Variants in SPEF2 observed in about 807,000 individuals in gnomAD.
SPEF2 encodes the protein sperm flagella and cilia-associated protein 2.
Under a neutral mutation model 224.6 loss-of-function variants are expected in SPEF2, and 187 were observed. The ratio of observed to expected loss-of-function variants is 0.83; its 90% CI spans 0.74 to 0.94. The LOEUF is 0.94. Ranked by LOEUF, SPEF2 falls within the 40% of genes least tolerant of loss-of-function variation. The pLI, the probability that SPEF2 is intolerant of heterozygous loss-of-function variation, is 0.00. For synonymous variants in SPEF2, 715 were observed against 707.3 expected (o/e 1.01, Z -0.17); for missense variants, 2,170 against 2,135.6 (o/e 1.02, Z -0.32).
At chr5:35,649,561 A>G in intron 6 of SPEF2, 136 bp downstream of exon 6, 4 of 591,452 alleles carry the variant, frequency 6.8e-6, no homozygotes, top group Non-Finnish European at 1.1e-5. Flanking sequence ...TCAGAGAGTA[A>G]TTAGGGAAGA....
In SPEF2 at chr5:35,776,274, C is replaced by A. The variant is rs772743570; in HGVS notation, c.4096C>A (p.Arg1366=). 2 of 1,604,500 alleles carry A rather than the reference C, an allele frequency of 1.2e-6. No individual in the cohort carries two copies. Among genetic ancestry groups the A allele is most frequent in the Non-Finnish European group, 1.7e-6 (2 of 1,176,946 alleles). The change falls in exon 29 of 37, where the codon CGA becomes AGA. Residue 1366 remains arginine (R), a synonymous_variant. Coordinates refer to ENST00000356031, the MANE Select transcript of SPEF2 (RefSeq NM_024867.4). ...GCAAATAGAAATAGCCACGCAATTT[C>A]GACTTGAACTGATAAAGACAAAAGC... is the stretch of plus-strand genomic sequence containing the variant. ...LQFEEIATQF[R]LELIKTKALA...
At chr5:35,618,180 T>C in intron 1 of SPEF2, 125 bp downstream of exon 1, 1 of 1,017,716 alleles carries the variant, frequency 9.8e-7, no homozygotes, top group Non-Finnish European at 1.5e-6. Flanking sequence ...GGCACCTGCG[T>C]AGCCGGCAGC....
chr5:35,720,588 A>G (rs1238599935), intron 20 of SPEF2, among the ~76,000 whole-genome samples: 1 of 152,244 alleles, frequency 6.6e-6, no homozygotes, highest in African/African-American at 2.4e-5. Context: ...AGTTAGAAAC[A>G]TGATTGACAA....
At chr5:35,670,443 G>C in intron 10 of SPEF2, 1 of 1,181,540 alleles carries the variant, frequency 8.5e-7, no homozygotes, top group Non-Finnish European at 1.0e-6. Flanking sequence ...TAGGGGAGTG[G>C]TCTGAAAAAA....
At chr5:35,771,162 A>T (rs988757245) in intron 26 of SPEF2, among the ~76,000 whole-genome samples, 1 of 147,718 alleles carries the variant, frequency 6.8e-6, no homozygotes, top group African/African-American at 2.7e-5. Context: ...TAAAAAAATA[A>T]AAAAAAAACT....
chr5:35,809,857 C>G (rs1056419828), intron 36 of SPEF2, among the ~76,000 whole-genome samples: 1 of 152,130 alleles, frequency 6.6e-6, no homozygotes, highest in Admixed American at 6.5e-5. Flanking sequence ...CTTACATTCC[C>G]TGCTCCACAT....
At chr5:35,695,637 G>C (rs1236239101) in intron 13 of SPEF2, 98 bp from the exon 14 acceptor site, 1 of 872,390 alleles carries the variant, frequency 1.1e-6, no homozygotes, top group African/African-American at 1.7e-5. Context: ...AGCTGGATCT[G>C]ATAACCCTTA....
At chr5:35,790,629 T>C (rs1043586101) in intron 30 of SPEF2, 27 of 286,586 alleles carry the variant, frequency 9.4e-5, no homozygotes, top group African/African-American at 5.8e-4. Context: ...TGTATGCTGC[T>C]ACACAATGGT....
In SPEF2 at chr5:35,705,711, T is replaced by C; in HGVS notation, c.2568T>C (p.Asn856=). The change falls in exon 18 of 37, where the codon AAT becomes AAC. Residue 856 remains asparagine (N), a synonymous_variant. Coordinates refer to ENST00000356031, the MANE Select transcript of SPEF2 (RefSeq NM_024867.4). ...AGCAATGGTTTTCAGAGCCAGAAAA[T>C]ATTTTGATAAAAATCAATGCTGAAA... ...LLEQWFSEPE[N]ILIKINAEID... 6.3e-7 allele frequency: 1 copy of C among 1,593,336 alleles called. No homozygotes were observed. The highest frequency in any genetic ancestry group is 8.5e-7 in the Non-Finnish European group (1 of 1,173,496).
intron 25 of SPEF2, among the ~76,000 whole-genome samples, chr5:35,760,184 A>AC (rs1271918692): frequency 6.6e-6 from 1 of 151,830 alleles, no homozygotes; most frequent in Non-Finnish European, 1.5e-5. Context: ...ACACGGTGAA[A>AC]CCCCGTCTCT....
In SPEF2 at chr5:35,659,040, C is replaced by G; in HGVS notation, c.1000C>G (p.Leu334Val). Reference protein sequence around the residue: ...AQEEAYREEQLINRLMRQSQQ... With the variant: ...AQEEAYREEQVINRLMRQSQQ... ...TCAGGAGGCTTATCGGGAGGAACAG[C>G]TGATTAACCGGCTGATGCGGCAGTC... The change falls in exon 8 of 37, where the codon CTG (leucine) becomes GTG (valine). Residue 334 changes from leucine (L) to valine (V), a missense_variant. Physicochemically the swap from Leu to Val is conservative, Grantham distance 32 (BLOSUM62 1). Coordinates refer to ENST00000356031, the MANE Select transcript of SPEF2 (RefSeq NM_024867.4). The G allele has an allele frequency of 6.3e-7, 1 of 1,576,870 alleles. No individual in the cohort carries two copies. Among genetic ancestry groups the G allele is most frequent in the Non-Finnish European group, 8.6e-7 (1 of 1,158,308 alleles).
At chr5:35,695,856 G>A in intron 14 of SPEF2, 60 bp downstream of exon 14, 3 of 1,292,266 alleles carry the variant, frequency 2.3e-6, no homozygotes, top group South Asian at 2.7e-5. Flanking sequence ...GATTAATGGT[G>A]TTTTGGAGTG....
chr5:35,777,863 G>A (rs1753814889), intron 29 of SPEF2, among the ~76,000 whole-genome samples: 1 of 151,984 alleles, frequency 6.6e-6, no homozygotes, highest in South Asian at 2.1e-4. Context: ...TATTCTACTA[G>A]TCATGTTTTA....
At chr5:35,703,592 G>C (rs1292621335) in intron 16 of SPEF2, among the ~76,000 whole-genome samples, 1 of 151,974 alleles carries the variant, frequency 6.6e-6, no homozygotes, top group Non-Finnish European at 1.5e-5. Flanking sequence ...AGCACTGCCT[G>C]GGGCTTGGGG....
chr5:35,674,598 A>G (rs766303822), intron 10 of SPEF2, among the ~76,000 whole-genome samples: 3 of 136,554 alleles, frequency 2.2e-5, no homozygotes, highest in Middle Eastern at 4.0e-3. Flanking sequence ...TCATTGTTCA[A>G]TTCCCACCTA....
chr5:35,721,736 C>T (rs1481059165), intron 20 of SPEF2, among the ~76,000 whole-genome samples: 4 of 74,918 alleles, frequency 5.3e-5, no homozygotes, highest in South Asian at 3.6e-4. Flanking sequence ...ACACACAGTA[C>T]ATACATAGAC....
chr5:35,650,070 T>C (rs1747962209), intron 6 of SPEF2, among the ~76,000 whole-genome samples: 3 of 152,230 alleles, frequency 2.0e-5, no homozygotes, highest in Admixed American at 2.0e-4. Flanking sequence ...ATTTACATCT[T>C]ACGAAATATG....
At chr5:35,646,860 T>G in intron 5 of SPEF2, 53 bp downstream of exon 5, 2 of 1,586,892 alleles carry the variant, frequency 1.3e-6, no homozygotes, top group Non-Finnish European at 1.7e-6. Context: ...TAAAGAATAG[T>G]CTGTCTCTGG....
At chr5:35,756,316 G>A (rs1170887445) in intron 24 of SPEF2, among the ~76,000 whole-genome samples, 1 of 152,236 alleles carries the variant, frequency 6.6e-6, no homozygotes, top group Non-Finnish European at 1.5e-5. Flanking sequence ...TCCATTGGGG[G>A]TCTTGAAACT....
Sources: gnomAD v4.1 joint callset for allele counts (sites outside exome capture counted in the v4.1 genomes callset) on GRCh38, gnomAD v4.1.1 for gene constraint, MANE v1.5 for transcripts, NCBI Gene and HGNC (gene_info 2026-07-23, HGNC 2026-07-21) for gene names.